UNC13C: variants seen among roughly 807,000 people sequenced by gnomAD.
UNC13C encodes unc-13 homolog C, also known as protein unc-13 homolog C.
In UNC13C, 174 loss-of-function variants were observed where a neutral mutation model predicts 245.4. The ratio of observed to expected loss-of-function variants is 0.71; its 90% confidence interval spans 0.63 to 0.80. The LOEUF (loss-of-function observed/expected upper bound fraction) is 0.80. Ranked by LOEUF, UNC13C falls within the 30% of genes least tolerant of loss-of-function variation. The pLI is 0.00. For synonymous variants in UNC13C, 992 were observed against 895.1 expected (o/e 1.11, Z -1.93); for missense variants, 2,829 against 2,602.9 (o/e 1.09, Z -1.89).
At chr15:53,976,471 CTCTCTCTT>C (rs1226861177), upstream of UNC13C, among the ~76,000 whole-genome samples, 4 of 31,424 alleles carry the variant, frequency 1.3e-4, no homozygotes, top group South Asian at 2.0e-3. Context: ...CTCTCTCTCT[CTCTCTCTT>C]TTTTTTTTTT....
At chr15:54,324,438 T>C (rs1190624585) in intron 14 of UNC13C, among the ~76,000 whole-genome samples, 1 of 152,026 alleles carries the variant, frequency 6.6e-6, no homozygotes, top group Non-Finnish European at 1.5e-5. Context: ...TTAGACCTTT[T>C]CAAGTATAAA....
chr15:54,566,852 T>C (rs1186237933), intron 29 of UNC13C, among the ~76,000 whole-genome samples: 1 of 152,108 alleles, frequency 6.6e-6, no homozygotes, highest in Non-Finnish European at 1.5e-5. Flanking sequence ...TTTCTTGAGC[T>C]TCTTTGACAT....
At chr15:54,213,935 G>A (rs1165798008) in intron 4 of UNC13C, among the ~76,000 whole-genome samples, 1 of 151,918 alleles carries the variant, frequency 6.6e-6, no homozygotes, top group Non-Finnish European at 1.5e-5. Flanking sequence ...ATCCAAGGAG[G>A]CAAAGGCACA....
intron 17 of UNC13C, among the ~76,000 whole-genome samples, chr15:54,358,992 A>G (rs1229311856): frequency 6.6e-6 from 1 of 151,902 alleles, no homozygotes; most frequent in African/African-American, 2.4e-5. Context: ...TATTACTTTT[A>G]TATCTAATTT....
chr15:54,025,555 G>A (rs962995238), intron 2 of UNC13C, among the ~76,000 whole-genome samples: 1 of 152,144 alleles, frequency 6.6e-6, no homozygotes, highest in Non-Finnish European at 1.5e-5. Context: ...TCCAGTATTT[G>A]TACTTTGGCG....
chr15:54,322,408 A>G (rs1343755819), intron 14 of UNC13C, among the ~76,000 whole-genome samples: 1 of 152,020 alleles, frequency 6.6e-6, no homozygotes, highest in African/African-American at 2.4e-5. Flanking sequence ...GGTATTCAAC[A>G]TTTCAGATTC....
rs373062196 is a variant in UNC13C, at chr15:54,104,191, A to C, written c.2984-38827A>C. On this transcript the variant is annotated intron_variant, in intron 2 of 32. Coordinates refer to ENST00000260323, the MANE Select transcript of UNC13C (RefSeq NM_001080534.3). ...TGCTCTTCCTGGGACTTCTGTTAGC[A>C]CTCATTCTAGGAATTCCCTTCATTG... Among the ~76,000 whole-genome samples, 48 of 152,178 alleles carry C rather than the reference A, an allele frequency of 3.2e-4. 1 individual carries two copies. In the South Asian group the frequency reaches 9.3e-3, roughly 30 times the overall value.
chr15:53,929,421 A>G, the UNC13C span, among the ~76,000 whole-genome samples: 1 of 152,224 alleles, frequency 6.6e-6, no homozygotes, highest in Non-Finnish European at 1.5e-5. Context: ...TGATATCACC[A>G]GAGACTTTTT....
intron 4 of UNC13C, among the ~76,000 whole-genome samples, chr15:54,216,136 T>C (rs1256968021): frequency 1.3e-5 from 2 of 151,924 alleles, no homozygotes; most frequent in African/African-American, 4.8e-5. Flanking sequence ...GGATATCTCT[T>C]GGATACTAGA....
At chr15:54,277,766 T>C (rs1385950207) in intron 10 of UNC13C, among the ~76,000 whole-genome samples, 1 of 152,220 alleles carries the variant, frequency 6.6e-6, no homozygotes, top group Non-Finnish European at 1.5e-5. Flanking sequence ...CAGTTGTATT[T>C]TTCAATTGCA....
intron 19 of UNC13C, among the ~76,000 whole-genome samples, chr15:54,488,440 T>C (rs1359045443): frequency 6.6e-6 from 1 of 152,168 alleles, no homozygotes; most frequent in Non-Finnish European, 1.5e-5. Flanking sequence ...TTACAAACTA[T>C]AGGATAAAGC....
At chr15:54,228,057 C>T (rs555538175) in intron 4 of UNC13C, among the ~76,000 whole-genome samples, 224 of 152,298 alleles carry the variant, frequency 1.5e-3, no homozygotes, top group African/African-American at 5.2e-3. Flanking sequence ...GCTGGTACCT[C>T]AACCGTGCTA....
intron 25 of UNC13C, among the ~76,000 whole-genome samples, chr15:54,529,628 C>T (rs1895643970): frequency 6.6e-6 from 1 of 152,044 alleles, no homozygotes; most frequent in Non-Finnish European, 1.5e-5. Context: ...TTAATAAAAG[C>T]ATTATATAGT....
intron 4 of UNC13C, among the ~76,000 whole-genome samples, chr15:54,225,972 G>T (rs1316307962): frequency 6.6e-6 from 1 of 152,054 alleles, no homozygotes; most frequent in Non-Finnish European, 1.5e-5. Flanking sequence ...TTATTTTGAG[G>T]TATGTTCCTT....
In UNC13C at chr15:54,321,922, TG is replaced by T; in HGVS notation, c.4269-16del. 6.4e-7 allele frequency: 1 copy of T among 1,550,676 alleles called. No individual in the cohort carries two copies. The highest frequency in any genetic ancestry group is 1.2e-5 in the South Asian group (1 of 82,500). On this transcript the variant is annotated splice_polypyrimidine_tract_variant and intron_variant, in intron 13 of 32. Transcript: ENST00000260323. ...TAATTTCTGTCTTAAAAACACTTTA[TG>T]TTTTTTGTCTTTCAGGCACTTTTCA... is the stretch of plus-strand genomic sequence containing the variant.
At chr15:54,070,988 T>C (rs1898297209) in intron 2 of UNC13C, among the ~76,000 whole-genome samples, 1 of 152,184 alleles carries the variant, frequency 6.6e-6, no homozygotes, top group African/African-American at 2.4e-5. Flanking sequence ...GCCTGATGTG[T>C]TTGGAAAGGC....
intron 17 of UNC13C, among the ~76,000 whole-genome samples, chr15:54,385,205 C>T (rs1287363715): frequency 3.9e-5 from 6 of 152,046 alleles, no homozygotes; most frequent in Non-Finnish European, 8.8e-5. Context: ...AACCTAAGTG[C>T]CCATGGTGAA....
At chr15:53,955,392 G>A in the UNC13C span, among the ~76,000 whole-genome samples, 3 of 152,080 alleles carry the variant, frequency 2.0e-5, no homozygotes, top group South Asian at 4.2e-4. Flanking sequence ...AAAAAATTAT[G>A]AGATGGGGTT....
chr15:54,072,568 C>T (rs1018042520), intron 2 of UNC13C, among the ~76,000 whole-genome samples: 2 of 152,124 alleles, frequency 1.3e-5, no homozygotes, highest in African/African-American at 2.4e-5. Flanking sequence ...AACACAAGAC[C>T]TTTTTATCCC....
Sources: gnomAD v4.1 joint callset for allele counts (sites outside exome capture counted in the v4.1 genomes callset) on GRCh38, gnomAD v4.1.1 for gene constraint, MANE v1.5 for transcripts, NCBI Gene and HGNC (gene_info 2026-07-23, HGNC 2026-07-21) for gene names.